Variants in CHD1L observed in about 807,000 individuals in gnomAD.
CHD1L encodes ATP-dependent chromatin remodeler CHD1L.
CHD1L carries 118 observed loss-of-function variants against 115.9 expected under a neutral mutation model. The ratio of observed to expected loss-of-function variants is 1.02; its 90% CI spans 0.88 to 1.19. CHD1L has a LOEUF of 1.19. CHD1L is among the 50% of genes most tolerant of loss of function. CHD1L has a pLI of 0.00. For synonymous variants in CHD1L, 411 were observed against 387.1 expected, an observed-to-expected ratio of 1.06 and a Z score of -0.72; for missense variants, 1,179 against 1,065.3, an observed-to-expected ratio of 1.11 and a Z score of -1.49.
In CHD1L at chr1:147,242,789, C is replaced by G; in HGVS notation, c.86C>G (p.Ala29Gly). 2 of 1,273,382 alleles carry G rather than the reference C, an allele frequency of 1.6e-6. No individual in the cohort carries two copies. The highest frequency in any genetic ancestry group is 7.6e-5 in the South Asian group (2 of 26,288). 78.9% of individuals were successfully genotyped at this position (1,273,382 alleles called of 1,614,324 possible). The change falls in exon 1 of 23, where the codon GCG becomes GGG. Residue 29 changes from alanine to glycine, a missense_variant. By Grantham distance (60) the Ala-to-Gly change is moderately conservative. Coordinates refer to ENST00000369258, the MANE Select transcript of CHD1L (RefSeq NM_004284.6). ...CATACTGAGGGCCGAGCCGAGGCGG[C>G]GCGGGTGCAGGAGCAGGACTTACGG... ...RLHTEGRAEA[A>G]RVQEQDLRQW...
intron 15 of CHD1L, among the ~76,000 whole-genome samples, chr1:147,283,776 T>A (rs1165790545): frequency 1.3e-5 from 2 of 152,150 alleles, no homozygotes; most frequent in Admixed American, 1.3e-4. Context: ...TCCTGCCTCT[T>A]CCAGTGAGAA....
chr1:147,276,834 TA>T (rs1678660350), intron 14 of CHD1L, among the ~76,000 whole-genome samples: 1 of 152,188 alleles, frequency 6.6e-6, no homozygotes, highest in Admixed American at 6.5e-5. Flanking sequence ...GGGTTAAAAT[TA>T]AAACTCATAA....
At chr1:147,180,422 G>A in the CHD1L span, among the ~76,000 whole-genome samples, 5 of 152,064 alleles carry the variant, frequency 3.3e-5, no homozygotes, top group Non-Finnish European at 5.9e-5. Flanking sequence ...CTCCTGAGTA[G>A]CTGGGACCAC....
At chr1:147,264,065 T>C (rs192975701) in intron 6 of CHD1L, among the ~76,000 whole-genome samples, 192 of 152,314 alleles carry the variant, frequency 1.3e-3, no homozygotes, top group African/African-American at 4.4e-3. Context: ...GATACCTCAG[T>C]AGACTCCCCG....
chr1:147,205,388 T>C, the CHD1L span, among the ~76,000 whole-genome samples: 2 of 152,204 alleles, frequency 1.3e-5, no homozygotes, highest in Non-Finnish European at 2.9e-5. Flanking sequence ...ACTGACATAA[T>C]GTGGTTCTTG....
intron 10 of CHD1L, among the ~76,000 whole-genome samples, chr1:147,269,494 C>A (rs1165973692): frequency 6.6e-6 from 1 of 151,882 alleles, no homozygotes; most frequent in Non-Finnish European, 1.5e-5. Flanking sequence ...CATGGTGAAA[C>A]CCTGTCTCTA....
chr1:147,275,290 G>T (rs1037400326), intron 12 of CHD1L, 64 bp from the exon 13 acceptor site: 7 of 1,222,794 alleles, frequency 5.7e-6, no homozygotes, highest in South Asian at 1.2e-5. Context: ...CTCTAGCCTT[G>T]TGCTTATTTT....
At chr1:147,178,825 G>T in the CHD1L span, 1 of 1,603,126 alleles carries the variant, frequency 6.2e-7, no homozygotes, top group Non-Finnish European at 8.5e-7. Context: ...GTTTATCCAG[G>T]AAAACATTTT....
At chr1:147,193,494 G>C in the CHD1L span, among the ~76,000 whole-genome samples, 113 of 152,132 alleles carry the variant, frequency 7.4e-4, 1 homozygote, top group African/African-American at 2.7e-3. Flanking sequence ...GGTTTTTTGT[G>C]ACTTAATTTC....
At chr1:147,189,451 C>T in the CHD1L span, among the ~76,000 whole-genome samples, 1 of 152,072 alleles carries the variant, frequency 6.6e-6, no homozygotes, top group Non-Finnish European at 1.5e-5. Context: ...CTTACTTTCT[C>T]CTCCTCCCAC....
At chr1:147,222,462 T>A in the CHD1L span, among the ~76,000 whole-genome samples, 4 of 151,844 alleles carry the variant, frequency 2.6e-5, no homozygotes, top group Non-Finnish European at 4.4e-5. Context: ...AGGAGAAAAA[T>A]TTAAATGGGA....
chr1:147,178,403 T>A, the CHD1L span: 1 of 1,611,010 alleles, frequency 6.2e-7, no homozygotes, highest in East Asian at 2.2e-5. Flanking sequence ...AAATATGGAG[T>A]CAGTGGATAT....
At chr1:147,275,787 A>AAT (rs2102741948) in intron 13 of CHD1L, among the ~76,000 whole-genome samples, 1 of 151,456 alleles carries the variant, frequency 6.6e-6, no homozygotes, top group African/African-American at 2.4e-5. Context: ...TAAGCTAAAA[A>AAT]AAAAAAAAAG....
At chr1:147,234,041 C>T in the CHD1L span, among the ~76,000 whole-genome samples, 1 of 152,122 alleles carries the variant, frequency 6.6e-6, no homozygotes, top group Non-Finnish European at 1.5e-5. Context: ...TACTATTGTC[C>T]TATGACCCTG....
intron 15 of CHD1L, among the ~76,000 whole-genome samples, chr1:147,282,855 G>T (rs587715000): frequency 6.6e-6 from 1 of 152,224 alleles, no homozygotes; most frequent in African/African-American, 2.4e-5. Flanking sequence ...CCAACTGCCA[G>T]AAAAAATCCC....
intron 16 of CHD1L, among the ~76,000 whole-genome samples, chr1:147,284,788 C>T (rs192778681): frequency 1.3e-5 from 2 of 152,204 alleles, no homozygotes; most frequent in African/African-American, 2.4e-5. Flanking sequence ...ACCAAAATAC[C>T]ATATCCTGCT....
At chr1:147,245,133 C>T (rs1168666475) in intron 1 of CHD1L, among the ~76,000 whole-genome samples, 1 of 152,178 alleles carries the variant, frequency 6.6e-6, no homozygotes, top group African/African-American at 2.4e-5. Context: ...CACTACTTGT[C>T]ATCTCCCTGA....
At chr1:147,278,847 G>T (rs1379909562) in intron 14 of CHD1L, among the ~76,000 whole-genome samples, 2 of 152,128 alleles carry the variant, frequency 1.3e-5, no homozygotes, top group Non-Finnish European at 2.9e-5. Flanking sequence ...TCCAATCCAA[G>T]CACTCTCTAA....
the CHD1L span, among the ~76,000 whole-genome samples, chr1:147,216,756 G>A: frequency 1.8e-4 from 27 of 152,254 alleles, no homozygotes; most frequent in South Asian, 8.3e-4. Flanking sequence ...CTTCCCTTGA[G>A]AGATTGTGTT....
Sources: allele counts gnomAD v4.1 joint callset (sites outside exome capture counted in the v4.1 genomes callset), GRCh38; gene constraint gnomAD v4.1.1; transcripts MANE v1.5; gene names NCBI Gene and HGNC (gene_info 2026-07-23, HGNC 2026-07-21).